The following RAD51B variants were observed in gnomAD, a reference collection of about 807,000 sequenced individuals.
RAD51B encodes the protein RAD51 paralog B.
Under a neutral mutation model 42.2 loss-of-function variants are expected in RAD51B, and 38 were observed. The observed-to-expected ratio is 0.90, with a 90% confidence interval of 0.70 to 1.18. RAD51B has a LOEUF of 1.18. Ranked by LOEUF, RAD51B falls within the 50% of genes most tolerant of loss-of-function variation. The probability of loss-of-function intolerance (pLI) is 0.00; values close to 1 mark genes in which losing one functional copy is unlikely to be tolerated. For synonymous variants in RAD51B, 154 were observed against 145.2 expected, an observed-to-expected ratio of 1.06 and a Z score of -0.43; for missense variants, 373 against 400.7, an observed-to-expected ratio of 0.93 and a Z score of 0.59.
chr14:68,513,162 T>A (rs2140316302), intron 10 of RAD51B, among the ~76,000 whole-genome samples: 1 of 152,222 alleles, frequency 6.6e-6, no homozygotes. Flanking sequence ...AGGAGAGTGA[T>A]GCAGCAAAGA....
chr14:67,875,975 G>T (rs776046154), intron 5 of RAD51B, among the ~76,000 whole-genome samples: 3 of 152,140 alleles, frequency 2.0e-5, no homozygotes, highest in Non-Finnish European at 4.4e-5. Context: ...TTTTGAGATA[G>T]TTTCATGACA....
At chr14:67,868,071 A>T (rs2042384194) in intron 5 of RAD51B, among the ~76,000 whole-genome samples, 1 of 152,164 alleles carries the variant, frequency 6.6e-6, no homozygotes, top group African/African-American at 2.4e-5. Flanking sequence ...AATGTATTAA[A>T]GAGGGAGGAG....
At chr14:67,822,720 TCG>T (rs2040674258) in intron 1 of RAD51B, among the ~76,000 whole-genome samples, 1 of 151,728 alleles carries the variant, frequency 6.6e-6, no homozygotes, top group East Asian at 1.9e-4. Flanking sequence ...CAGACCTGTC[TCG>T]CTCTCTCTCT....
chr14:68,302,635 CCAAA>C (rs1226684454), intron 8 of RAD51B, among the ~76,000 whole-genome samples: 1 of 152,090 alleles, frequency 6.6e-6, no homozygotes, highest in Non-Finnish European at 1.5e-5. Context: ...GATGAGAGCC[CCAAA>C]CAGAGATTTA....
chr14:68,612,268 C>T (rs1029137861), downstream of RAD51B, among the ~76,000 whole-genome samples: 1 of 152,160 alleles, frequency 6.6e-6, no homozygotes, highest in Non-Finnish European at 1.5e-5. Flanking sequence ...GGGACGAATT[C>T]CTGTGTTTGG....
At chr14:68,312,558 A>C (rs2081984282) in intron 8 of RAD51B, among the ~76,000 whole-genome samples, 1 of 152,072 alleles carries the variant, frequency 6.6e-6, no homozygotes, top group African/African-American at 2.4e-5. Flanking sequence ...CTGGACTTTC[A>C]AGGAAAAAAA....
intron 7 of RAD51B, among the ~76,000 whole-genome samples, chr14:68,002,454 T>G (rs1381681856): frequency 6.6e-6 from 1 of 152,188 alleles, no homozygotes; most frequent in Non-Finnish European, 1.5e-5. Context: ...ACAGATATAT[T>G]GCAAAAATTT....
intron 7 of RAD51B, among the ~76,000 whole-genome samples, chr14:68,283,594 ACTG>A (rs2081361183): frequency 6.6e-6 from 1 of 152,220 alleles, no homozygotes; most frequent in Non-Finnish European, 1.5e-5. Flanking sequence ...GCCCAAGATC[ACTG>A]ACAGGATGCC....
intron 10 of RAD51B, among the ~76,000 whole-genome samples, chr14:68,549,201 C>T (rs1024181456): frequency 1.3e-5 from 2 of 151,754 alleles, no homozygotes; most frequent in African/African-American, 4.8e-5. Context: ...CTGAGTCAGA[C>T]TTGGAACATC....
intron 7 of RAD51B, among the ~76,000 whole-genome samples, chr14:68,098,642 TATGGGGGAAACTGCCCCA>T (rs1182171676): frequency 6.6e-6 from 1 of 152,062 alleles, no homozygotes; most frequent in Non-Finnish European, 1.5e-5. Context: ...ATGAGAACAG[TATGGGGGAAACTGCCCCA>T]ATGGATTCAG....
chr14:67,938,567 T>G (rs909210892), intron 7 of RAD51B, among the ~76,000 whole-genome samples: 1 of 152,184 alleles, frequency 6.6e-6, no homozygotes, highest in Non-Finnish European at 1.5e-5. Flanking sequence ...ATACATAATA[T>G]AAAGATATGT....
chr14:67,870,427 T>C (rs2042486524), intron 5 of RAD51B, among the ~76,000 whole-genome samples: 1 of 147,954 alleles, frequency 6.8e-6, no homozygotes, highest in Admixed American at 6.7e-5. Context: ...AGCACCCAGA[T>C]TCATAATGCA....
At chr14:68,560,833 T>G (rs1282744655) in intron 10 of RAD51B, among the ~76,000 whole-genome samples, 4 of 150,726 alleles carry the variant, frequency 2.7e-5, no homozygotes, top group Non-Finnish European at 4.4e-5. Flanking sequence ...ATCTCCACCC[T>G]GCTCTCTCCA....
chr14:68,106,681 G>A (rs943349976), intron 7 of RAD51B, among the ~76,000 whole-genome samples: 7 of 151,782 alleles, frequency 4.6e-5, no homozygotes, highest in Non-Finnish European at 8.9e-5. Flanking sequence ...TCATTGGAAC[G>A]TTGGGTTATT....
At chr14:68,510,508 A>G (rs1885654666) in intron 10 of RAD51B, among the ~76,000 whole-genome samples, 1 of 152,214 alleles carries the variant, frequency 6.6e-6, no homozygotes, top group African/African-American at 2.4e-5. Flanking sequence ...TCTCCCTGGT[A>G]GAAGCCCTGG....
At chr14:68,079,701 G>T (rs1381239978) in intron 7 of RAD51B, among the ~76,000 whole-genome samples, 1 of 152,100 alleles carries the variant, frequency 6.6e-6, no homozygotes, top group Non-Finnish European at 1.5e-5. Context: ...AAGACAAAAA[G>T]ACAAAAGTTT....
At chr14:68,655,045 C>A (rs1892782257) in intron 11 of RAD51B, among the ~76,000 whole-genome samples, 1 of 152,122 alleles carries the variant, frequency 6.6e-6, no homozygotes, top group East Asian at 1.9e-4. Flanking sequence ...TCATGATGGT[C>A]TCAGGCCTGC....
At chr14:68,646,926 G>A (rs187948328) in intron 10 of RAD51B, among the ~76,000 whole-genome samples, 1 of 152,122 alleles carries the variant, frequency 6.6e-6, no homozygotes, top group East Asian at 1.9e-4. Context: ...ATCTGTCTGG[G>A]TCTTGCTATA....
chr14:68,204,768 A>G (rs2079553375), intron 7 of RAD51B, among the ~76,000 whole-genome samples: 2 of 152,242 alleles, frequency 1.3e-5, no homozygotes, highest in South Asian at 2.1e-4. Flanking sequence ...GTATCTACAA[A>G]TTATTTTTAT....
Sources: allele counts gnomAD v4.1 joint callset (sites outside exome capture counted in the v4.1 genomes callset), GRCh38; gene constraint gnomAD v4.1.1; transcripts MANE v1.5; gene names NCBI Gene and HGNC (gene_info 2026-07-23, HGNC 2026-07-21).